The following EEF1B2 variants were observed in gnomAD, a reference collection of about 807,000 sequenced individuals.
The protein encoded by EEF1B2 is eukaryotic translation elongation factor 1 beta 2, also known as elongation factor 1-beta.
Under a neutral mutation model 28.3 loss-of-function variants are expected in EEF1B2, and 12 were observed. The ratio of observed to expected loss-of-function variants is 0.42; its 90% CI spans 0.27 to 0.69. EEF1B2 has a LOEUF of 0.69. Among genes scored for constraint, EEF1B2 ranks in the 30% least tolerant of loss-of-function variants. The pLI is 0.22. For synonymous variants in EEF1B2, 83 were observed against 99.9 expected (o/e 0.83, Z 1.01); for missense variants, 234 against 272.6 (o/e 0.86, Z 1.00).
At chr2:206,159,823 T>TAA, upstream of EEF1B2, 1 of 747,828 alleles carries the variant, frequency 1.3e-6, no homozygotes. Flanking sequence ...CTTTGACCTT[T>TAA]AACCTTCGGT....
At chr2:206,161,724 C>T (rs895697346) in intron 3 of EEF1B2, 8 of 524,616 alleles carry the variant, frequency 1.5e-5, no homozygotes, top group African/African-American at 2.0e-5. Flanking sequence ...GAGCCAAGAT[C>T]GTGCCACTGC....
chr2:206,162,743 G>C lies in EEF1B2; in HGVS notation c.538G>C (p.Val180Leu). 6.2e-7 allele frequency: 1 copy of C among 1,613,462 alleles called. No individual in the cohort carries two copies. Among genetic ancestry groups the C allele is most frequent in the Non-Finnish European group, 8.5e-7 (1 of 1,179,972 alleles). The change falls in exon 6 of 6, where the codon GTG (valine) becomes CTG (leucine). Residue 180 changes from valine (V) to leucine (L), a missense_variant. Physicochemically the swap from Val to Leu is conservative, Grantham distance 32. This residue lies in a region of EEF1B2 where 56 missense variants were observed against 99.3 expected (regional missense o/e 0.56). Coordinates refer to ENST00000392222, the MANE Select transcript of EEF1B2 (RefSeq NM_001959.4). ...GCTCTTTTTAGCTAAACTAGTTCCA[G>C]TGGGATACGGAATTAAGAAACTTCA... is the stretch of plus-strand genomic sequence containing the variant. ...LVWGSSKLVPVGYGIKKLQIQ... is the reference protein window; with the variant it reads ...LVWGSSKLVPLGYGIKKLQIQ...
chr2:206,161,471 A>C lies in EEF1B2; in HGVS notation c.329A>C (p.Glu110Ala). The C allele has an allele frequency of 6.2e-7, 1 of 1,613,622 alleles. No individual in the cohort carries two copies. The highest frequency in any genetic ancestry group is 8.5e-7 in the Non-Finnish European group (1 of 1,179,762). ...GACCTCTTTGGATCTGATGATGAGG[A>C]GGTATGGCGTCTTCTATAAAGAACA... is the stretch of plus-strand genomic sequence containing the variant. Reference protein sequence around the residue: ...DIDLFGSDDEEESEEAKRLRE... With the variant: ...DIDLFGSDDEAESEEAKRLRE... Residue 110 changes from glutamate (E) to alanine (A), a missense_variant and splice_region_variant, in exon 3 of 6, where the codon GAG becomes GCG. This residue lies in a region of EEF1B2 where 178 missense variants were observed against 173.3 expected (regional missense o/e 1.03). Transcript: ENST00000392222.
At chr2:206,160,509 G>C in intron 1 of EEF1B2, 79 bp from the exon 2 acceptor site, 1 of 1,606,364 alleles carries the variant, frequency 6.2e-7, no homozygotes, top group Non-Finnish European at 8.5e-7. Flanking sequence ...TAATTAATGT[G>C]ATGCATACGG....
At chr2:206,161,783 A>AG (rs1553510148) in intron 3 of EEF1B2, 2 of 623,608 alleles carry the variant, frequency 3.2e-6, no homozygotes, top group Non-Finnish European at 5.8e-6. Flanking sequence ...AAAAAAAAAA[A>AG]GAATACATCG....
chr2:206,162,003 G>A, intron 3 of EEF1B2, 35 bp from the exon 4 acceptor site: 1 of 1,594,072 alleles, frequency 6.3e-7, no homozygotes, highest in Non-Finnish European at 8.6e-7. Context: ...GGAACAACCA[G>A]CTTTCTGAAG....
rs908216458 is a variant in EEF1B2 at position 206,161,354 on chromosome 2, G to A, written c.212G>A (p.Gly71Glu). The change falls in exon 3 of 6, where the codon GGA (glycine) becomes GAA (glutamate). Residue 71 changes from glycine (G) to glutamate (E), a missense_variant. Gly to Glu is a moderately conservative substitution (Grantham distance 98, BLOSUM62 -2). Around this residue, in one of 2 missense-constraint regions of EEF1B2, gnomAD observed 178 missense variants for 173.3 expected, o/e 1.03. Transcript: ENST00000392222. The stretch of plus-strand genomic sequence containing the variant: ...TTTAAATGTTTTTCAAGCCTGCCAG[G>A]AGTGAAGAAAGCTTTGGGCAAATAT... ...SYEKEKASLP[G>E]VKKALGKYGP... is the part of the protein sequence containing the mutation. 5.0e-6 allele frequency: 8 copies of A among 1,614,048 alleles called. No homozygotes were observed. The highest frequency in any genetic ancestry group is 2.2e-5 in the East Asian group (1 of 44,892).
In EEF1B2 at chr2:206,161,926, G is replaced by A. The variant is rs374498694; in HGVS notation, c.331-112G>A. Reference sequence around the variant, plus strand: ...AAATCACCATCTTTCGGCTGAGTTCGTGATGGATTTGCTTTTTTCTGATTA... The same window carrying A: ...AAATCACCATCTTTCGGCTGAGTTCATGATGGATTTGCTTTTTTCTGATTA... On this transcript the variant is annotated intron_variant, in intron 3 of 5. Transcript: ENST00000392222. 179 of 891,620 alleles carry A rather than the reference G, an allele frequency of 2.0e-4. No homozygotes were observed. The African/African-American group carries it at 2.1e-3, about 10-fold the overall frequency. The allele number at this position is 891,620 out of a possible 1,614,324, so 55.2% of individuals were successfully genotyped here.
chr2:206,160,734 T>G (rs1444487285), intron 2 of EEF1B2, 24 bp downstream of exon 2: 3 of 1,613,940 alleles, frequency 1.9e-6, no homozygotes, highest in Non-Finnish European at 2.5e-6. Flanking sequence ...TGTATAGAGC[T>G]GAAGAATAAG....
intron 2 of EEF1B2, 108 bp downstream of exon 2, chr2:206,160,818 T>C (rs1576014365): frequency 6.4e-7 from 1 of 1,566,900 alleles, no homozygotes; most frequent in Non-Finnish European, 8.8e-7. Flanking sequence ...GTTGGGATAT[T>C]GTAAGCTAAA....
chr2:206,161,168 T>C, intron 2 of EEF1B2, 178 bp from the exon 3 acceptor site: 2 of 734,170 alleles, frequency 2.7e-6, no homozygotes, highest in Non-Finnish European at 4.4e-6. Flanking sequence ...ATGGTACTAA[T>C]GCTTGTCGGG....
chr2:206,160,083 G>T (rs1253322155), intron 1 of EEF1B2, 24 bp downstream of exon 1: 2 of 1,607,656 alleles, frequency 1.2e-6, no homozygotes, highest in Admixed American at 1.7e-5. Flanking sequence ...CTGAGTCGGG[G>T]TGGCGGGGAG....
chr2:206,159,653 G>GCTGGT (rs1172251443), upstream of EEF1B2: 43 of 249,780 alleles, frequency 1.7e-4, no homozygotes, highest in Non-Finnish European at 2.9e-4. Context: ...CGCTTCTAGG[G>GCTGGT]CTGGTTCCCG....
chr2:206,162,438 G>A (rs1190178228), intron 4 of EEF1B2, 51 bp from the exon 5 acceptor site: 2 of 1,607,692 alleles, frequency 1.2e-6, no homozygotes, highest in East Asian at 2.2e-5. Context: ...CTTGGAGTAG[G>A]GTGAAAAAAA....
chr2:206,161,693 C>T (rs1442837994), intron 3 of EEF1B2: 2 of 557,370 alleles, frequency 3.6e-6, no homozygotes, highest in African/African-American at 3.8e-5. Context: ...TTGCTTGAAC[C>T]TAGGAAGCGG....
intron 1 of EEF1B2, 54 bp from the exon 2 acceptor site, chr2:206,160,534 T>C (rs1223796796): frequency 1.2e-6 from 2 of 1,612,942 alleles, no homozygotes; most frequent in East Asian, 4.5e-5. Context: ...TATTATTTAT[T>C]CGCTGGCGTT....
chr2:206,162,408 T>G, intron 4 of EEF1B2, 81 bp from the exon 5 acceptor site: 56 of 1,585,712 alleles, frequency 3.5e-5, no homozygotes, highest in Non-Finnish European at 4.4e-5. Context: ...CAAAACAAAT[T>G]GAGATGGATT....
chr2:206,161,468 A>C lies in EEF1B2; in HGVS notation c.326A>C (p.Glu109Ala), dbSNP rs777413291. ...ATTGACCTCTTTGGATCTGATGATG[A>C]GGAGGTATGGCGTCTTCTATAAAGA... ...DDIDLFGSDD[E>A]EESEEAKRLR... Residue 109 changes from glutamate (E) to alanine (A), a missense_variant, in exon 3 of 6, where the codon GAG becomes GCG. By Grantham distance (107) the Glu-to-Ala change is moderately radical (BLOSUM62 -1). Around this residue, in one of 2 missense-constraint regions of EEF1B2, gnomAD observed 178 missense variants for 173.3 expected, o/e 1.03. Coordinates refer to ENST00000392222, the MANE Select transcript of EEF1B2 (RefSeq NM_001959.4). The C allele has an allele frequency of 5.6e-6, 9 of 1,613,576 alleles. No individual in the cohort carries two copies. In the East Asian group the frequency reaches 1.8e-4, roughly 32 times the overall value.
At position 206,161,388 on chromosome 2, in the gene EEF1B2, C is replaced by T. The variant is rs368926108; in HGVS notation, c.246C>T (p.Ala82=). Residue 82 remains alanine, a synonymous_variant, in exon 3 of 6, where the codon GCC becomes GCT. Transcript: ENST00000392222. Reference sequence around the variant, plus strand: ...AAGCTTTGGGCAAATATGGTCCTGCCGATGTGGAAGACACTACAGGAAGTG... The same window carrying T: ...AAGCTTTGGGCAAATATGGTCCTGCTGATGTGGAAGACACTACAGGAAGTG... ...VKKALGKYGP[A]DVEDTTGSGA... is the part of the protein sequence containing the mutation. The T allele has an allele frequency of 2.4e-5, 38 of 1,613,902 alleles. No individual in the cohort carries two copies. Among genetic ancestry groups the T allele is most frequent in the African/African-American group, 1.3e-4 (10 of 74,892 alleles).
Sources: allele counts gnomAD v4.1 joint callset, GRCh38; gene constraint gnomAD v4.1.1; regional missense constraint gnomAD v4.1.1; transcripts MANE v1.5; gene names NCBI Gene and HGNC (gene_info 2026-07-23, HGNC 2026-07-21).